The following GPI variants were observed in gnomAD, a reference collection of about 807,000 sequenced individuals.
The protein encoded by GPI is glucose-6-phosphate isomerase.
In GPI, 56 loss-of-function variants were observed where a neutral mutation model predicts 75.8. The observed-to-expected ratio is 0.74, with a 90% CI of 0.60 to 0.92. The LOEUF (loss-of-function observed/expected upper bound fraction) is 0.92. Among genes scored for constraint, GPI ranks in the 40% least tolerant of loss-of-function variants. GPI has a pLI of 0.00. For synonymous variants in GPI, 288 were observed against 285.4 expected, an observed-to-expected ratio of 1.01 and a Z score of -0.09; for missense variants, 638 against 741.0, an observed-to-expected ratio of 0.86 and a Z score of 1.61.
intron 9 of GPI, among the ~76,000 whole-genome samples, chr19:34,382,152 C>T (rs534409096): frequency 6.6e-6 from 1 of 152,104 alleles, no homozygotes; most frequent in Non-Finnish European, 1.5e-5. Flanking sequence ...ACTGTGAAGC[C>T]CAGGGTGCAG....
intron 4 of GPI, among the ~76,000 whole-genome samples, chr19:34,376,375 G>A (rs534357468): frequency 4.8e-4 from 73 of 152,234 alleles, no homozygotes; most frequent in Non-Finnish European, 8.4e-4. Flanking sequence ...GGCCAACACG[G>A]CGAAACCCCA....
upstream of GPI, among the ~76,000 whole-genome samples, chr19:34,363,572 A>G (rs1488021406): frequency 2.6e-5 from 4 of 152,200 alleles, no homozygotes; most frequent in Admixed American, 2.0e-4. Flanking sequence ...CTGTAATCCC[A>G]GCACTTTGGG....
At chr19:34,381,123 G>T (rs2074644263) in intron 8 of GPI, 3 of 409,602 alleles carry the variant, frequency 7.3e-6, no homozygotes, top group East Asian at 5.4e-5. Context: ...ATGTCCAGGG[G>T]TATCATGCTC....
chr19:34,396,307 A>G lies in GPI; in HGVS notation c.1069A>G (p.Met357Val), dbSNP rs1390109128. Residue 357 changes from methionine to valine, a missense_variant, in exon 13 of 18, where the codon ATG (methionine) becomes GTG (valine). Transcript: ENST00000356487. ...RFAAYFQQGD[M>V]ESNGKYITKS... is the part of the protein sequence containing the mutation. ...GTTTCTGTTCCTTTTCCAGGGCGACATGGAGTCCAATGGGAAATACATCAC... is the reference window on the plus strand; with the variant it reads ...GTTTCTGTTCCTTTTCCAGGGCGACGTGGAGTCCAATGGGAAATACATCAC... 1.2e-6 allele frequency: 2 copies of G among 1,614,184 alleles called. No individual in the cohort carries two copies. The highest frequency in any genetic ancestry group is 1.7e-6 in the Non-Finnish European group (2 of 1,180,020).
At chr19:34,374,130 C>CTTTTT (rs749828679) in intron 4 of GPI, among the ~76,000 whole-genome samples, 5 of 114,106 alleles carry the variant, frequency 4.4e-5, no homozygotes, top group Non-Finnish European at 5.2e-5. Flanking sequence ...CCATGCCCGC[C>CTTTTT]TTTTTTTTTT....
At chr19:34,364,900 C>G (rs922480247), upstream of GPI, 1 of 1,387,774 alleles carries the variant, frequency 7.2e-7, no homozygotes, top group African/African-American at 1.4e-5. Context: ...ACAGGGAGTG[C>G]AGCGGCGCGA....
At chr19:34,365,107 C>A, upstream of GPI, 1 of 1,017,912 alleles carries the variant, frequency 9.8e-7, no homozygotes, top group South Asian at 1.7e-5. Context: ...GGGCGCGGGT[C>A]GGGGGCGGGG....
chr19:34,368,302 G>C (rs1282788351), intron 3 of GPI, among the ~76,000 whole-genome samples: 1 of 152,200 alleles, frequency 6.6e-6, no homozygotes, highest in African/African-American at 2.4e-5. Context: ...TTCTCTCACT[G>C]TTCATGCCCT....
chr19:34,383,152 G>T (rs768140286), intron 9 of GPI, among the ~76,000 whole-genome samples: 4 of 152,176 alleles, frequency 2.6e-5, no homozygotes, highest in Non-Finnish European at 5.9e-5. Context: ...GATCAGGCAG[G>T]GGTGTGGTGG....
Position 34,365,258 on chromosome 19 carries a change from A to G in GPI, c.-9A>G, listed in dbSNP as rs552574934. Reference sequence around the variant, plus strand: ...TCGCGTCTCACTCAGTGTACCTTCTAGTCCCGCCATGGCCGCTCTCACCCG... The same window carrying G: ...TCGCGTCTCACTCAGTGTACCTTCTGGTCCCGCCATGGCCGCTCTCACCCG... On this transcript the variant is annotated 5_prime_UTR_variant, in exon 1 of 18. Transcript: ENST00000356487. The G allele has an allele frequency of 5.7e-5, 89 of 1,564,382 alleles. No homozygotes were observed. In the South Asian group the frequency reaches 7.9e-4, roughly 14 times the overall value.
chr19:34,378,156 G>A (rs564868104), intron 6 of GPI, among the ~76,000 whole-genome samples: 61 of 152,244 alleles, frequency 4.0e-4, no homozygotes, highest in African/African-American at 1.4e-3. Context: ...GGGACTGCTC[G>A]CCACTTTCTT....
intron 4 of GPI, among the ~76,000 whole-genome samples, chr19:34,373,606 G>A (rs2074488716): frequency 6.6e-6 from 1 of 151,692 alleles, no homozygotes; most frequent in Non-Finnish European, 1.5e-5. Context: ...TCTTATTAGT[G>A]TATAGTAATT....
chr19:34,388,339 G>A (rs562738336), intron 9 of GPI, among the ~76,000 whole-genome samples: 2 of 152,324 alleles, frequency 1.3e-5, no homozygotes, highest in East Asian at 3.9e-4. Context: ...GCCATGCATG[G>A]TGGCACATGT....
chr19:34,369,264 G>T (rs990183649), intron 4 of GPI, among the ~76,000 whole-genome samples: 1 of 151,800 alleles, frequency 6.6e-6, no homozygotes, highest in Admixed American at 6.6e-5. Context: ...GGCCAGGCTG[G>T]TCTCAAACCC....
chr19:34,399,523 T>C, intron 15 of GPI, 33 bp from the exon 16 acceptor site: 1 of 1,607,906 alleles, frequency 6.2e-7, no homozygotes, highest in South Asian at 1.1e-5. Flanking sequence ...GGATCAGGAC[T>C]CTCTTGGAGA....
chr19:34,399,097 C>A, intron 14 of GPI, 110 bp from the exon 15 acceptor site: 2 of 1,002,472 alleles, frequency 2.0e-6, no homozygotes, highest in Non-Finnish European at 1.5e-6. Flanking sequence ...AGCTGTACAG[C>A]GAGTGACCCA....
chr19:34,392,038 A>G, intron 9 of GPI, among the ~76,000 whole-genome samples: 1 of 109,374 alleles, frequency 9.1e-6, no homozygotes, highest in African/African-American at 3.4e-5. Flanking sequence ...TCAATGTCTG[A>G]GAAGGTAGGA....
rs144288835 is a variant in GPI at position 34,398,926 on chromosome 19, C to T, written c.1270-281C>T. The T allele has an allele frequency of 6.0e-4, 179 of 298,250 alleles. No individual in the cohort carries two copies. The East Asian group carries it at 8.3e-3, about 14-fold the overall frequency. The allele number at this position is 298,250 out of a possible 1,614,324, so 18.5% of individuals were successfully genotyped here. On this transcript the variant is annotated intron_variant, in intron 14 of 17. Coordinates refer to ENST00000356487, the MANE Select transcript of GPI (RefSeq NM_000175.5). ...TTCACCATGTTGGTCAGGCTGGTCT[C>T]GAGCTCCTGACCTCGTGGTCCATCC...
At chr19:34,376,538 T>G in intron 4 of GPI, among the ~76,000 whole-genome samples, 2 of 138,618 alleles carry the variant, frequency 1.4e-5, no homozygotes, top group Non-Finnish European at 3.1e-5. Flanking sequence ...TACTCCAGCC[T>G]GGGCGACGGA....
Sources: allele counts gnomAD v4.1 joint callset (sites outside exome capture counted in the v4.1 genomes callset), GRCh38; gene constraint gnomAD v4.1.1; transcripts MANE v1.5; gene names NCBI Gene and HGNC (gene_info 2026-07-23, HGNC 2026-07-21).